NPSR1: variants seen among roughly 807,000 people sequenced by gnomAD.
NPSR1 encodes the protein neuropeptide S receptor 1, also known as neuropeptide S receptor.
Under a neutral mutation model 46.9 loss-of-function variants are expected in NPSR1, and 48 were observed. The ratio of observed to expected loss-of-function variants is 1.02; its 90% CI spans 0.81 to 1.30. The LOEUF (loss-of-function observed/expected upper bound fraction) is 1.30. NPSR1 is among the 50% of genes most tolerant of loss of function. The pLI, the probability that NPSR1 is intolerant of heterozygous loss-of-function variation, is 0.00. For missense variants in NPSR1, 450 were observed against 449.5 expected (o/e 1.00, Z -0.01); for synonymous variants, 176 against 168.1 (o/e 1.05, Z -0.36).
intron 5 of NPSR1, among the ~76,000 whole-genome samples, chr7:34,830,611 C>A (rs954291718): frequency 1.3e-5 from 2 of 151,990 alleles, no homozygotes; most frequent in Admixed American, 1.3e-4. Context: ...GCAAATATTT[C>A]TCCTAATTTG....
At chr7:34,703,131 G>A (rs1317259751) in intron 2 of NPSR1, among the ~76,000 whole-genome samples, 1 of 152,168 alleles carries the variant, frequency 6.6e-6, no homozygotes, top group Non-Finnish European at 1.5e-5. Context: ...AGGCCAAGGC[G>A]GGCGGATCAC....
chr7:34,854,950 A>G (rs1791017805), downstream of NPSR1, among the ~76,000 whole-genome samples: 1 of 152,232 alleles, frequency 6.6e-6, no homozygotes, highest in Non-Finnish European at 1.5e-5. Context: ...TTTTCTGATC[A>G]TGTTATAATT....
chr7:34,823,399 G>GAAAAAAAAAAA lies in NPSR1; in HGVS notation c.479-3995_479-3985dup, dbSNP rs577186339. 5.4e-4 allele frequency among the ~76,000 whole-genome samples: 37 copies of GAAAAAAAAAAA among 68,232 alleles called. 2 individuals carry two copies. The highest frequency in any genetic ancestry group is 1.8e-3 in the East Asian group (3 of 1,682). The allele number at this position is 68,232 out of a possible 152,430, so 44.8% of individuals were successfully genotyped here. ...TTGGCAACAGAGCAAGACTTCACCAGAAAAAAAAAAAAAAAAACAACACCA... is the reference window on the plus strand; with the variant it reads ...TTGGCAACAGAGCAAGACTTCACCAGAAAAAAAAAAAAAAAAAAAAAAAAAAAACAACACCA... On this transcript the variant is annotated intron_variant, in intron 4 of 8. Transcript: ENST00000360581.
chr7:34,793,464 C>G (rs191890186), intron 3 of NPSR1, among the ~76,000 whole-genome samples: 1 of 151,960 alleles, frequency 6.6e-6, no homozygotes, highest in Non-Finnish European at 1.5e-5. Flanking sequence ...AACATGTATA[C>G]GAAAATATGC....
exon 9 of NPSR1, chr7:34,878,156 G>A (rs116825950): frequency 0.027 from 43,522 of 1,605,286 alleles, 734 homozygotes; most frequent in Non-Finnish European, 0.03. Flanking sequence ...ACTTGGCCAG[G>A]TGTACCTTCC....
At chr7:34,837,164 A>G (rs999244887) in intron 6 of NPSR1, among the ~76,000 whole-genome samples, 17 of 152,210 alleles carry the variant, frequency 1.1e-4, no homozygotes, top group Admixed American at 3.3e-4. Context: ...CCACTTAGCC[A>G]TGTGTTAAAA....
intron 3 of NPSR1, among the ~76,000 whole-genome samples, chr7:34,784,579 G>A (rs919465006): frequency 3.3e-5 from 5 of 152,002 alleles, no homozygotes; most frequent in Admixed American, 6.6e-5. Context: ...TGCTGGATTC[G>A]GTTTGCCAGT....
chr7:34,866,369 A>T (rs1440259759), intron 8 of NPSR1, among the ~76,000 whole-genome samples: 3 of 151,880 alleles, frequency 2.0e-5, no homozygotes, highest in African/African-American at 7.3e-5. Flanking sequence ...GAGAAAGGAC[A>T]AGGGCACAGT....
At chr7:34,772,268 T>C (rs560622855) in intron 2 of NPSR1, among the ~76,000 whole-genome samples, 6 of 152,178 alleles carry the variant, frequency 3.9e-5, no homozygotes, top group African/African-American at 7.2e-5. Context: ...ATTTTTACTA[T>C]TGCTCTTTAG....
chr7:34,834,139 T>C, intron 5 of NPSR1: 1 of 525,874 alleles, frequency 1.9e-6, no homozygotes, highest in Non-Finnish European at 3.4e-6. Context: ...TGGGCTACCT[T>C]GAGGAAACTG....
At chr7:34,663,796 C>T (rs1332279974) in intron 1 of NPSR1, among the ~76,000 whole-genome samples, 4 of 152,200 alleles carry the variant, frequency 2.6e-5, no homozygotes, top group Non-Finnish European at 4.4e-5. Context: ...TCAAAAGTCA[C>T]ACCCTCTTGC....
chr7:34,804,800 A>C (rs1247706126), intron 3 of NPSR1, among the ~76,000 whole-genome samples: 1 of 152,056 alleles, frequency 6.6e-6, no homozygotes, highest in African/African-American at 2.4e-5. Flanking sequence ...AAAAATAAAA[A>C]CAAACAAAAA....
chr7:34,734,142 T>A (rs1784561173), intron 2 of NPSR1, among the ~76,000 whole-genome samples: 1 of 152,204 alleles, frequency 6.6e-6, no homozygotes, highest in Non-Finnish European at 1.5e-5. Flanking sequence ...ATGATGAAGA[T>A]CTAAAGTTAG....
At chr7:34,685,271 A>G (rs972754356) in intron 2 of NPSR1, among the ~76,000 whole-genome samples, 1 of 152,208 alleles carries the variant, frequency 6.6e-6, no homozygotes, top group Non-Finnish European at 1.5e-5. Flanking sequence ...ATGGTGAAAT[A>G]TTCTCAAGGA....
downstream of NPSR1, among the ~76,000 whole-genome samples, chr7:34,853,797 T>C (rs544297720): frequency 5.3e-4 from 81 of 152,238 alleles, no homozygotes; most frequent in Non-Finnish European, 9.6e-4. Context: ...AAAACCCGTC[T>C]GTACTAAAAA....
intron 3 of NPSR1, among the ~76,000 whole-genome samples, chr7:34,803,452 TAAA>T (rs1788522321): frequency 6.6e-6 from 1 of 151,568 alleles, no homozygotes. Context: ...TCATTCTCAG[TAAA>T]CTATCGCAAG....
chr7:34,849,694 G>A lies in NPSR1; in HGVS notation c.*39G>A. 1 of 1,609,762 alleles carries A rather than the reference G, an allele frequency of 6.2e-7. No homozygotes were observed. The highest frequency in any genetic ancestry group is 8.5e-7 in the Non-Finnish European group (1 of 1,177,946). ...GCCAGTGCTAGGCTGAGCACCATCAGCTCTCCCAGGTCCTTGTCACCTGCT... is the reference window on the plus strand; with the variant it reads ...GCCAGTGCTAGGCTGAGCACCATCAACTCTCCCAGGTCCTTGTCACCTGCT... On this transcript the variant is annotated 3_prime_UTR_variant, in exon 9 of 9. Coordinates refer to ENST00000360581, the MANE Select transcript of NPSR1 (RefSeq NM_207172.2).
chr7:34,743,673 C>T lies in NPSR1; in HGVS notation c.281-34789C>T, dbSNP rs324401. 7.2e-3 allele frequency among the ~76,000 whole-genome samples: 1,095 copies of T among 152,204 alleles called. 12 individuals carry two copies. The highest frequency in any genetic ancestry group is 0.025 in the African/African-American group (1,031 of 41,524). On this transcript the variant is annotated intron_variant, in intron 2 of 8. Coordinates refer to ENST00000360581, the MANE Select transcript of NPSR1 (RefSeq NM_207172.2). ...CAGGCTGGTCTTGAACTCCTAACCT[C>T]GTATCAGCTTTGTTGAAGATTAGAT...
intron 2 of NPSR1, 56 bp downstream of exon 2, chr7:34,684,740 C>T (rs1333029398): frequency 2.9e-6 from 4 of 1,391,582 alleles, no homozygotes; most frequent in South Asian, 1.7e-5. Flanking sequence ...CCTATGGCTT[C>T]CTGCTTTTAA....
Sources: gnomAD v4.1 joint callset for allele counts (sites outside exome capture counted in the v4.1 genomes callset) on GRCh38, gnomAD v4.1.1 for gene constraint, MANE v1.5 for transcripts, NCBI Gene and HGNC (gene_info 2026-07-23, HGNC 2026-07-21) for gene names.